Variants in PNPLA7 observed in about 807,000 individuals in gnomAD.
PNPLA7 encodes the protein patatin like domain 7, lysophospholipase.
In PNPLA7, 153 loss-of-function variants were observed where a neutral mutation model predicts 161.7. The ratio of observed to expected loss-of-function variants is 0.95; its 90% CI spans 0.83 to 1.08. PNPLA7 has a LOEUF of 1.08. PNPLA7 is among the 50% of genes least tolerant of loss of function. The pLI, the probability that PNPLA7 is intolerant of heterozygous loss-of-function variation, is 0.00. For synonymous variants in PNPLA7, 809 were observed against 782.1 expected (o/e 1.03, Z -0.57); for missense variants, 1,739 against 1,856.6 (o/e 0.94, Z 1.16).
Position 137,460,376 on chromosome 9 carries a change from C to G in PNPLA7, c.*17G>C, listed in dbSNP as rs752510176. On this transcript the variant is annotated 3_prime_UTR_variant, in exon 35 of 35. Coordinates refer to ENST00000406427, the MANE Select transcript of PNPLA7 (RefSeq NM_001098537.3). ...TCCCACGGAAGACGCTGCATCCGGG[C>G]TCTTTAGCAGAGGCCTCTACCCGTC... The G allele has an allele frequency of 6.2e-7, 1 of 1,608,400 alleles. No homozygotes were observed.
Position 137,478,022 on chromosome 9 carries a change from G to C in PNPLA7, c.2882+12C>G, listed in dbSNP as rs370078901. ...CACCAGTGAGGAGTGTGTAGGAAGC[G>C]GGGGGACTCACCTTGCTCCCCCTCC... On this transcript the variant is annotated intron_variant, in intron 25 of 34. Coordinates refer to ENST00000406427, the MANE Select transcript of PNPLA7 (RefSeq NM_001098537.3). 92 of 1,412,334 alleles carry C rather than the reference G, an allele frequency of 6.5e-5. 2 individuals carry two copies. The South Asian group carries it at 1.5e-3, about 23-fold the overall frequency. The allele number at this position is 1,412,334 out of a possible 1,614,324, so 87.5% of individuals were successfully genotyped here.
Position 137,476,674 on chromosome 9 carries a change from C to G in PNPLA7, c.2882+1360G>C, listed in dbSNP as rs552658562. Among the ~76,000 whole-genome samples, 9 of 152,246 alleles carry G rather than the reference C, an allele frequency of 5.9e-5. No homozygotes were observed. Among genetic ancestry groups the G allele is most frequent in the Non-Finnish European group, 1.0e-4 (7 of 68,014 alleles). On this transcript the variant is annotated intron_variant, in intron 25 of 34. Transcript: ENST00000406427. This position sits in a 1 kb window ranked among gnomAD's most constrained non-coding sequence, Gnocchi z 4.5. ...CGTGCCTTACAGAACCGTATGGCTT[C>G]TAAGTATTACCTTGATCAAAGCTAC...
chr9:137,495,559 TC>T (rs1833009801), intron 18 of PNPLA7, among the ~76,000 whole-genome samples: 1 of 152,000 alleles, frequency 6.6e-6, no homozygotes, highest in South Asian at 2.1e-4. Context: ...TTCTCCTGCC[TC>T]AGCCTCCCGA....
At chr9:137,483,090 T>C (rs11137252) in intron 21 of PNPLA7, among the ~76,000 whole-genome samples, 3,009 of 152,292 alleles carry the variant, frequency 0.02, 109 homozygotes, top group African/African-American at 0.066. Flanking sequence ...TAGGCCGGTC[T>C]CGAACTCCTG....
At chr9:137,534,729 C>A (rs1467338116) in intron 8 of PNPLA7, among the ~76,000 whole-genome samples, 2 of 152,210 alleles carry the variant, frequency 1.3e-5, no homozygotes, top group Non-Finnish European at 2.9e-5. Flanking sequence ...ACGCTGTTTT[C>A]GTTTTGTAGT....
At chr9:137,464,037 G>A (rs1354292833) in intron 28 of PNPLA7, 89 bp downstream of exon 28, 11 of 1,406,922 alleles carry the variant, frequency 7.8e-6, no homozygotes, top group South Asian at 3.7e-5. Context: ...AGGAGACCCC[G>A]CGGCCTTCCC....
At position 137,547,003 on chromosome 9, in the gene PNPLA7, C is replaced by T. The variant is rs1588725097; in HGVS notation, c.194-94G>A. 1 of 1,228,712 alleles carries T rather than the reference C, an allele frequency of 8.1e-7. No individual in the cohort carries two copies. The highest frequency in any genetic ancestry group is 2.4e-5 in the East Asian group (1 of 42,138). 76.1% of individuals were successfully genotyped at this position (1,228,712 alleles called of 1,614,324 possible). On this transcript the variant is annotated intron_variant, in intron 3 of 34. Coordinates refer to ENST00000406427, the MANE Select transcript of PNPLA7 (RefSeq NM_001098537.3). The surrounding 1 kb of genome is among the most constrained non-coding windows in gnomAD (Gnocchi z 4.6). ...CAGCACAGTCAGTCATACTCTCGTC[C>T]CTGCCAGTAACTGGCCATACTCAGA...
At chr9:137,504,443 C>T (rs1255308858) in intron 14 of PNPLA7, among the ~76,000 whole-genome samples, 1 of 152,158 alleles carries the variant, frequency 6.6e-6, no homozygotes, top group East Asian at 1.9e-4. Context: ...GACTCTTGAC[C>T]TCAGGTGATC....
In PNPLA7 at chr9:137,495,918, G is replaced by A. The variant is rs1341746932; in HGVS notation, c.2014-772C>T. Among the ~76,000 whole-genome samples, 6 of 152,114 alleles carry A rather than the reference G, an allele frequency of 3.9e-5. No individual in the cohort carries two copies. The East Asian group carries it at 7.7e-4, about 20-fold the overall frequency. On this transcript the variant is annotated intron_variant, in intron 18 of 34. Coordinates refer to ENST00000406427, the MANE Select transcript of PNPLA7 (RefSeq NM_001098537.3). The stretch of plus-strand genomic sequence containing the variant: ...GAGGCCCAGGGCCTGCTGAGCCATC[G>A]GAGCGCGGGACTCTGATGGGAAGAC...
At chr9:137,477,990 CCA>C (rs1339233175) in intron 25 of PNPLA7, 42 bp downstream of exon 25, 1 of 1,289,016 alleles carries the variant, frequency 7.8e-7, no homozygotes, top group South Asian at 2.6e-5. Flanking sequence ...GCGACTGTCA[CCA>C]CACACACCAG....
chr9:137,469,254 G>A (rs1337923031), intron 25 of PNPLA7, among the ~76,000 whole-genome samples: 1 of 152,212 alleles, frequency 6.6e-6, no homozygotes, highest in Non-Finnish European at 1.5e-5. Context: ...GAATCATGAA[G>A]CATCAAGAGG....
intron 8 of PNPLA7, among the ~76,000 whole-genome samples, chr9:137,538,514 G>A (rs192488050): frequency 3.9e-5 from 6 of 152,192 alleles, no homozygotes; most frequent in East Asian, 1.9e-4. Context: ...GAATGCATCC[G>A]AGCCAGGGTT....
intron 33 of PNPLA7, 90 bp from the exon 34 acceptor site, chr9:137,460,827 A>G: frequency 2.4e-6 from 3 of 1,240,252 alleles, no homozygotes; most frequent in Non-Finnish European, 3.4e-6. Flanking sequence ...CCGGCCACAG[A>G]TGCCCACCCC....
At chr9:137,465,242 C>T (rs978699183) in intron 26 of PNPLA7, among the ~76,000 whole-genome samples, 2 of 152,184 alleles carry the variant, frequency 1.3e-5, no homozygotes, top group Admixed American at 1.3e-4. Context: ...TGCCCAGTAC[C>T]AGAGGGGCTC....
chr9:137,506,999 G>A (rs1236999388), intron 12 of PNPLA7, among the ~76,000 whole-genome samples: 2 of 152,256 alleles, frequency 1.3e-5, no homozygotes, highest in African/African-American at 4.8e-5. Flanking sequence ...GCCACATGGC[G>A]CTGCGGGAAG....
intron 8 of PNPLA7, among the ~76,000 whole-genome samples, chr9:137,530,158 G>C (rs372119795): frequency 3.3e-5 from 5 of 150,708 alleles, no homozygotes; most frequent in Admixed American, 2.0e-4. Flanking sequence ...GTGGAGACAG[G>C]GTTTAACCAT....
At chr9:137,496,288 G>C (rs1413892942) in intron 18 of PNPLA7, among the ~76,000 whole-genome samples, 1 of 151,266 alleles carries the variant, frequency 6.6e-6, no homozygotes, top group Non-Finnish European at 1.5e-5. Context: ...TGTATTTTTA[G>C]TAGAGACGGG....
intron 30 of PNPLA7, 160 bp from the exon 31 acceptor site, chr9:137,462,491 G>T: frequency 1.4e-6 from 2 of 1,394,012 alleles, no homozygotes; most frequent in Non-Finnish European, 1.9e-6. Flanking sequence ...CCTGCGGGCT[G>T]CCACAGCCTT....
Position 137,541,131 on chromosome 9 carries a change from G to T in PNPLA7, c.667-409C>A, listed in dbSNP as rs2132622058. Among the ~76,000 whole-genome samples the T allele has an allele frequency of 6.6e-6, 1 of 152,266 alleles. No individual in the cohort carries two copies. Among genetic ancestry groups the T allele is most frequent in the South Asian group, 2.1e-4 (1 of 4,824 alleles). ...AAAAGAAAAGAAACCGCGCTATTTT[G>T]GTGATTTAACAAAGTAAGCACTTCA... On this transcript the variant is annotated intron_variant, in intron 7 of 34. Transcript: ENST00000406427. The surrounding 1 kb of genome is among the most constrained non-coding windows in gnomAD (Gnocchi z 4.4).
Sources: allele counts gnomAD v4.1 joint callset (sites outside exome capture counted in the v4.1 genomes callset), GRCh38; gene constraint gnomAD v4.1.1; non-coding constraint Gnocchi (gnomAD v3.1); transcripts MANE v1.5; gene names NCBI Gene and HGNC (gene_info 2026-07-23, HGNC 2026-07-21).